The following GTF3C3 variants were observed in gnomAD, a reference collection of about 807,000 sequenced individuals.
GTF3C3 encodes the protein general transcription factor 3C polypeptide 3.
Under a neutral mutation model 105.2 loss-of-function variants are expected in GTF3C3, and 75 were observed. That is an observed-to-expected ratio of 0.71 (90% confidence interval 0.59 to 0.86). GTF3C3 has a LOEUF of 0.86. Among genes scored for constraint, GTF3C3 ranks in the 40% least tolerant of loss-of-function variants. GTF3C3 has a pLI of 0.00. For synonymous variants in GTF3C3, 335 were observed against 370.4 expected (o/e 0.90, Z 1.10); for missense variants, 856 against 1,076.5 (o/e 0.80, Z 2.87).
chr2:196,776,930 T>C lies in GTF3C3; in HGVS notation c.1391-301A>G, dbSNP rs1699269505. On this transcript the variant is annotated intron_variant, in intron 10 of 17. Coordinates refer to ENST00000263956, the MANE Select transcript of GTF3C3 (RefSeq NM_012086.5). The surrounding 1 kb of genome is among the most constrained non-coding windows in gnomAD (Gnocchi z 4.5). ...AATGGTTACATAATCAAACTGATTATGTAATTATATCATTTGCCATTTAGG... is the reference window on the plus strand; with the variant it reads ...AATGGTTACATAATCAAACTGATTACGTAATTATATCATTTGCCATTTAGG... Among the ~76,000 whole-genome samples, 1 of 152,228 alleles carries C rather than the reference T, an allele frequency of 6.6e-6. No homozygotes were observed. The highest frequency in any genetic ancestry group is 2.4e-5 in the African/African-American group (1 of 41,458).
intron 13 of GTF3C3, 36 bp from the exon 14 acceptor site, chr2:196,773,189 G>GT (rs746468754): frequency 8.7e-7 from 1 of 1,148,810 alleles, no homozygotes; most frequent in East Asian, 2.4e-5. Flanking sequence ...TTAGGACACT[G>GT]TATTTCCAGA....
At chr2:196,791,984 A>G (rs1699557824) in intron 3 of GTF3C3, 1 of 151,996 alleles carries the variant, frequency 6.6e-6, no homozygotes, top group African/African-American at 2.4e-5. Flanking sequence ...AAAAAAAAAA[A>G]GTGGTCAGAA....
intron 8 of GTF3C3, among the ~76,000 whole-genome samples, chr2:196,782,590 A>G (rs1241798372): frequency 6.6e-6 from 1 of 152,152 alleles, no homozygotes; most frequent in East Asian, 1.9e-4. Flanking sequence ...AAAGCTGAAA[A>G]TAAAAGGACA....
In GTF3C3 at chr2:196,779,659, A is replaced by T. The variant is rs923766209; in HGVS notation, c.1219-592T>A. Among the ~76,000 whole-genome samples, 5 of 151,998 alleles carry T rather than the reference A, an allele frequency of 3.3e-5. No homozygotes were observed. In the South Asian group the frequency reaches 1.0e-3, roughly 32 times the overall value. ...CTTCTGTGTTTGCTAATGTTTTTGGAAAGTTGTTTCCTTAGATATCCCCAT... is the reference window on the plus strand; with the variant it reads ...CTTCTGTGTTTGCTAATGTTTTTGGTAAGTTGTTTCCTTAGATATCCCCAT... On this transcript the variant is annotated intron_variant, in intron 9 of 17. Transcript: ENST00000263956.
At position 196,771,877 on chromosome 2, in the gene GTF3C3, T is replaced by C; in HGVS notation, c.2131A>G (p.Met711Val). ...QLWNIFNQVT[M>V]HSQDVRHHRF... ...TGATGTCGTACATCTTGGGAGTGCA[T>C]GGTAACTTGATTGAAAATGTTCCAG... Residue 711 changes from methionine to valine, a missense_variant, in exon 15 of 18, where the codon ATG becomes GTG. By Grantham distance (21) the Met-to-Val change is conservative (BLOSUM62 1). This residue lies in a region of GTF3C3 where 605 missense variants were observed against 833.6 expected (regional missense o/e 0.73). Coordinates refer to ENST00000263956, the MANE Select transcript of GTF3C3 (RefSeq NM_012086.5). The C allele has an allele frequency of 6.2e-7, 1 of 1,613,288 alleles. No homozygotes were observed. Among genetic ancestry groups the C allele is most frequent in the Non-Finnish European group, 8.5e-7 (1 of 1,179,208 alleles).
intron 9 of GTF3C3, 169 bp downstream of exon 9, chr2:196,780,390 A>G: frequency 1.6e-6 from 2 of 1,268,566 alleles, no homozygotes; most frequent in East Asian, 2.7e-5. Context: ...TTGCAAAACA[A>G]TTTTAGTTTT....
chr2:196,765,488 TAATA>T (rs1431276574), intron 17 of GTF3C3, among the ~76,000 whole-genome samples: 1 of 151,642 alleles, frequency 6.6e-6, no homozygotes, highest in Non-Finnish European at 1.5e-5. Flanking sequence ...ATGCAAAGAT[TAATA>T]AATGGTGTGA....
intron 9 of GTF3C3, 125 bp downstream of exon 9, chr2:196,780,434 A>T: frequency 7.5e-7 from 1 of 1,341,298 alleles, no homozygotes; most frequent in Non-Finnish European, 9.7e-7. Context: ...TTTGATGCTT[A>T]TTGTTACCTC....
chr2:196,772,001 T>C, intron 14 of GTF3C3, 63 bp from the exon 15 acceptor site: 10 of 1,154,620 alleles, frequency 8.7e-6, no homozygotes, highest in Non-Finnish European at 1.3e-5. Flanking sequence ...TTTCTAAAAA[T>C]GAAACCCTTC....
chr2:196,798,937 T>C (rs573479556), intron 1 of GTF3C3, among the ~76,000 whole-genome samples: 18 of 152,272 alleles, frequency 1.2e-4, no homozygotes, highest in African/African-American at 4.3e-4. Flanking sequence ...TATTTTCTCT[T>C]GCACTTGAAG....
chr2:196,790,941 C>T lies in GTF3C3; in HGVS notation c.535+396G>A, dbSNP rs139644821. Among the ~76,000 whole-genome samples, 411 of 151,912 alleles carry T rather than the reference C, an allele frequency of 2.7e-3. 1 individual carries two copies. The highest frequency in any genetic ancestry group is 4.8e-3 in the Non-Finnish European group (324 of 67,974). On this transcript the variant is annotated intron_variant, in intron 4 of 17. Transcript: ENST00000263956. ...AATATGTCCAAGATACACCATTTAA[C>T]TGAGAGATAAGATGACAAGTTTAAA... is the stretch of plus-strand genomic sequence containing the variant.
chr2:196,788,451 A>T (rs563828896), intron 6 of GTF3C3, among the ~76,000 whole-genome samples: 2 of 152,376 alleles, frequency 1.3e-5, no homozygotes, highest in South Asian at 4.1e-4. Context: ...AATAAAATAT[A>T]TACCACAGTC....
At chr2:196,790,124 G>T in intron 4 of GTF3C3, 54 bp from the exon 5 acceptor site, 1 of 1,154,590 alleles carries the variant, frequency 8.7e-7, no homozygotes, top group South Asian at 1.6e-5. Context: ...GGCTTGAGTT[G>T]ATGTCCATCC....
Position 196,763,262 on chromosome 2 carries a change from T to C in GTF3C3, c.*1301A>G, listed in dbSNP as rs1699001639. ...GGTTTTTTTTTCCCTTAGGGAGACTTATTTCCTCCACGGCTATTTAGTAGA... is the reference window on the plus strand; with the variant it reads ...GGTTTTTTTTTCCCTTAGGGAGACTCATTTCCTCCACGGCTATTTAGTAGA... On this transcript the variant is annotated 3_prime_UTR_variant, in exon 18 of 18. Transcript: ENST00000263956. 6.6e-6 allele frequency: 1 copy of C among 152,084 alleles called. No individual in the cohort carries two copies. 9.4% of individuals were successfully genotyped at this position (152,084 alleles called of 1,614,324 possible).
At chr2:196,770,487 T>G (rs1699152489) in intron 15 of GTF3C3, among the ~76,000 whole-genome samples, 1 of 152,190 alleles carries the variant, frequency 6.6e-6, no homozygotes, top group African/African-American at 2.4e-5. Flanking sequence ...CTTTGTTTTG[T>G]TTTTTAGACT....
chr2:196,777,444 T>C (rs1699278890), intron 10 of GTF3C3, among the ~76,000 whole-genome samples: 1 of 152,204 alleles, frequency 6.6e-6, no homozygotes, highest in Non-Finnish European at 1.5e-5. Context: ...AATCAATACA[T>C]GCGATCATTT....
intron 16 of GTF3C3, among the ~76,000 whole-genome samples, chr2:196,768,069 G>C (rs938261563): frequency 2.0e-5 from 3 of 152,214 alleles, no homozygotes; most frequent in African/African-American, 4.8e-5. Context: ...TCACACAGGA[G>C]TGCAGTGGTG....
In GTF3C3 at chr2:196,775,270, T is replaced by G. The variant is rs762023962; in HGVS notation, c.1696-19A>C. 6.3e-7 allele frequency: 1 copy of G among 1,589,822 alleles called. No individual in the cohort carries two copies. Among genetic ancestry groups the G allele is most frequent in the South Asian group, 1.2e-5 (1 of 86,554 alleles). On this transcript the variant is annotated intron_variant, in intron 12 of 17. Coordinates refer to ENST00000263956, the MANE Select transcript of GTF3C3 (RefSeq NM_012086.5). ...TTGCTACCTGAATTAAAGATGAAGA[T>G]TTCAGATTCTTTAAACAATAACTGT... is the stretch of plus-strand genomic sequence containing the variant.
intron 13 of GTF3C3, chr2:196,774,915 A>AT (rs972196817): frequency 6.0e-5 from 23 of 384,112 alleles, no homozygotes; most frequent in Middle Eastern, 7.4e-4. Flanking sequence ...TTTCCTTTTA[A>AT]TTTTTTTTAA....
Sources: allele counts gnomAD v4.1 joint callset (sites outside exome capture counted in the v4.1 genomes callset), GRCh38; gene constraint gnomAD v4.1.1; regional missense constraint gnomAD v4.1.1; non-coding constraint Gnocchi (gnomAD v3.1); transcripts MANE v1.5; gene names NCBI Gene and HGNC (gene_info 2026-07-23, HGNC 2026-07-21).